The following DZIP1L variants were observed in gnomAD, a reference collection of about 807,000 sequenced individuals.
DZIP1L encodes cilium assembly protein DZIP1L.
A neutral mutation model predicts 88.7 loss-of-function variants in DZIP1L; 90 were observed. That is an observed-to-expected ratio of 1.02 (90% CI 0.86 to 1.21). The LOEUF is 1.21. DZIP1L is among the 50% of genes most tolerant of loss of function. DZIP1L has a pLI of 0.00. For synonymous variants in DZIP1L, 363 were observed against 372.1 expected, an observed-to-expected ratio of 0.98 and a Z score of 0.28; for missense variants, 932 against 955.8, an observed-to-expected ratio of 0.98 and a Z score of 0.33.
At chr3:138,088,946 T>C in intron 5 of DZIP1L, 2 of 986,052 alleles carry the variant, frequency 2.0e-6, no homozygotes, top group Non-Finnish European at 2.4e-6. Flanking sequence ...AGAAAGGGCT[T>C]TGCACAGCTT....
chr3:138,065,924 T>C (rs536451386), intron 14 of DZIP1L, among the ~76,000 whole-genome samples: 93 of 152,290 alleles, frequency 6.1e-4, no homozygotes, highest in Middle Eastern at 3.4e-3. Flanking sequence ...AACTAGTCAT[T>C]GCAACCTGTT....
At chr3:138,067,779 AGCTGGTTTGGTTTGCTCAGGGCCAGCCCT>A in intron 13 of DZIP1L, 79 bp from the exon 14 acceptor site, 1 of 1,453,884 alleles carries the variant, frequency 6.9e-7, no homozygotes, top group South Asian at 1.5e-5. Flanking sequence ...CCACGCTTCA[AGCTGGTTTGGTTTGCTCAGGGCCAGCCCT>A]GCTCCCTCCC....
intron 2 of DZIP1L, chr3:138,102,137 G>T: frequency 7.2e-7 from 1 of 1,392,326 alleles, no homozygotes; most frequent in Non-Finnish European, 1.0e-6. Context: ...TGACCTCAGC[G>T]ATGATGCTGT....
At chr3:138,103,114 TCA>T (rs59775144) in intron 2 of DZIP1L, among the ~76,000 whole-genome samples, 24,804 of 150,954 alleles carry the variant, frequency 0.16, 2,191 homozygotes, top group Middle Eastern at 0.24. Context: ...CTTCAAGTAT[TCA>T]CACACACACA....
intron 5 of DZIP1L, chr3:138,088,868 G>A: frequency 2.0e-6 from 2 of 990,932 alleles, no homozygotes; most frequent in African/African-American, 1.7e-5. Flanking sequence ...GCCTATGGGA[G>A]GGTCTCACCC....
At chr3:138,084,342 G>T in intron 7 of DZIP1L, 89 bp from the exon 8 acceptor site, 1 of 1,499,854 alleles carries the variant, frequency 6.7e-7, no homozygotes, top group South Asian at 1.3e-5. Flanking sequence ...GTAGGCAAGT[G>T]CCAGGCAAGC....
chr3:138,065,900 AAAG>A (rs1185532366), intron 14 of DZIP1L, among the ~76,000 whole-genome samples: 2 of 152,244 alleles, frequency 1.3e-5, no homozygotes, highest in South Asian at 2.1e-4. Flanking sequence ...GTTGTTTTGA[AAAG>A]AAGGAGGCTC....
At chr3:138,093,256 G>C (rs1944316380) in intron 4 of DZIP1L, among the ~76,000 whole-genome samples, 1 of 152,216 alleles carries the variant, frequency 6.6e-6, no homozygotes. Flanking sequence ...TAGGTGACCA[G>C]GAACATTGTC....
At chr3:138,064,472 A>C (rs1224922166) in intron 15 of DZIP1L, 156 bp downstream of exon 15, 39 of 1,605,994 alleles carry the variant, frequency 2.4e-5, no homozygotes, top group Non-Finnish European at 3.1e-5. Context: ...CCATCTCTCC[A>C]TGTGCACAGG....
chr3:138,111,748 A>G (rs559341107), intron 1 of DZIP1L, among the ~76,000 whole-genome samples: 83 of 152,276 alleles, frequency 5.5e-4, no homozygotes, highest in African/African-American at 1.9e-3. Flanking sequence ...TAATCCCAGC[A>G]CTTTGGGAGG....
In DZIP1L at chr3:138,094,780, GC is replaced by G; in HGVS notation, c.708+81del. 6.4e-6 allele frequency: 10 copies of G among 1,571,062 alleles called. No individual in the cohort carries two copies. In the South Asian group the frequency reaches 1.2e-4, roughly 19 times the overall value. On this transcript the variant is annotated intron_variant, in intron 4 of 15. Transcript: ENST00000327532. Reference sequence around the variant, plus strand: ...CTCTGGGAAACTAGCTGGAATTTTTGCCCTGTGGGATTCATGTGCATCAAGG... The same window carrying G: ...CTCTGGGAAACTAGCTGGAATTTTTGCCTGTGGGATTCATGTGCATCAAGG...
intron 1 of DZIP1L, among the ~76,000 whole-genome samples, chr3:138,108,389 A>G (rs542961660): frequency 1.3e-5 from 2 of 152,284 alleles, no homozygotes; most frequent in Non-Finnish European, 2.9e-5. Context: ...CTTTGGCGTC[A>G]GATGTTTGCC....
intron 15 of DZIP1L, chr3:138,064,358 T>C: frequency 7.7e-7 from 1 of 1,291,092 alleles, no homozygotes. Flanking sequence ...TCCGAAGCTC[T>C]CCGAGAGGCA....
intron 7 of DZIP1L, among the ~76,000 whole-genome samples, chr3:138,085,175 C>T (rs900504866): frequency 5.9e-5 from 9 of 152,144 alleles, no homozygotes; most frequent in African/African-American, 1.9e-4. Flanking sequence ...CTAGACATTA[C>T]CATTCAGGAC....
At chr3:138,094,303 A>G (rs2724716) in intron 4 of DZIP1L, among the ~76,000 whole-genome samples, 96,505 of 152,154 alleles carry the variant, frequency 0.63, 31,317 homozygotes, top group Non-Finnish European at 0.7. Context: ...CACAGGGTTG[A>G]CACAAACCTT....
At chr3:138,105,137 AG>A (rs2107854425) in intron 1 of DZIP1L, among the ~76,000 whole-genome samples, 1 of 152,312 alleles carries the variant, frequency 6.6e-6, no homozygotes, top group Admixed American at 6.5e-5. Context: ...CACACAAAAT[AG>A]GCATATATAC....
At chr3:138,083,502 C>G (rs1169242462) in intron 8 of DZIP1L, among the ~76,000 whole-genome samples, 3 of 152,172 alleles carry the variant, frequency 2.0e-5, no homozygotes, top group Admixed American at 2.0e-4. Flanking sequence ...TTGTCAGCAA[C>G]AGGTAAAGAG....
chr3:138,062,839 G>A lies in DZIP1L; in HGVS notation c.2281C>T (p.Gln761Ter). 1 of 1,614,072 alleles carries A rather than the reference G, an allele frequency of 6.2e-7. No homozygotes were observed. The highest frequency in any genetic ancestry group is 8.5e-7 in the Non-Finnish European group (1 of 1,180,036). ...AATCACCAGGCAGGGACCCTGGGTT[G>A]GCCAGAGCTCTGTGGACCAGTGCCA... ...KFGTGPQSSG[Q>*]PRVPAW The change falls in exon 16 of 16, where the codon CAA becomes TAA. Residue 761 changes from glutamine (Q) to a stop codon, truncating the protein, a stop_gained. Coordinates refer to ENST00000327532, the MANE Select transcript of DZIP1L (RefSeq NM_173543.3). LOFTEE classifies it high-confidence loss of function.
At chr3:138,080,004 C>G (rs1213215831) in intron 10 of DZIP1L, among the ~76,000 whole-genome samples, 1 of 152,140 alleles carries the variant, frequency 6.6e-6, no homozygotes, top group Non-Finnish European at 1.5e-5. Context: ...CTTCACTTTT[C>G]TTTTGCATCC....
Sources: gnomAD v4.1 joint callset for allele counts (sites outside exome capture counted in the v4.1 genomes callset) on GRCh38, gnomAD v4.1.1 for gene constraint, MANE v1.5 for transcripts, NCBI Gene and HGNC (gene_info 2026-07-23, HGNC 2026-07-21) for gene names.